Variants in ABCA13 observed in about 807,000 individuals in gnomAD.
The protein encoded by ABCA13 is ATP-binding cassette sub-family A member 13.
ABCA13 carries 476 observed loss-of-function variants against 478.7 expected under a neutral mutation model. The ratio of observed to expected loss-of-function variants is 0.99; its 90% CI spans 0.92 to 1.07. The LOEUF (loss-of-function observed/expected upper bound fraction) is 1.07. Among genes scored for constraint, ABCA13 ranks in the 50% least tolerant of loss-of-function variants. ABCA13 has a pLI of 0.00. For missense variants in ABCA13, 6,060 were observed against 5,910.6 expected (o/e 1.03, Z -0.83); for synonymous variants, 2,252 against 2,158.9 (o/e 1.04, Z -1.20).
At chr7:48,328,573 T>G (rs1804686586) in intron 27 of ABCA13, among the ~76,000 whole-genome samples, 1 of 152,150 alleles carries the variant, frequency 6.6e-6, no homozygotes, top group African/African-American at 2.4e-5. Context: ...AACCCTCAGA[T>G]GAGCATAGAT....
chr7:48,259,927 T>C (rs1335902102), intron 15 of ABCA13, among the ~76,000 whole-genome samples: 1 of 152,072 alleles, frequency 6.6e-6, no homozygotes, highest in African/African-American at 2.4e-5. Flanking sequence ...AATTGTATTA[T>C]GAAATTCTTA....
intron 1 of ABCA13, among the ~76,000 whole-genome samples, chr7:48,187,003 A>C (rs1253488224): frequency 8.3e-6 from 1 of 119,788 alleles, no homozygotes; most frequent in African/African-American, 3.3e-5. Flanking sequence ...GTATATGCAT[A>C]TATATATGTG....
Position 48,273,232 on chromosome 7 carries a change from A to T in ABCA13, c.3566A>T (p.Asp1189Val). The change falls in exon 17 of 62, where the codon GAT (aspartate) becomes GTT (valine). Residue 1189 changes from aspartate (D) to valine (V), a missense_variant. Physicochemically the swap from Asp to Val is radical, Grantham distance 152. Transcript: ENST00000435803. ...FTQLLDELED[D>V]VKVSKSCQGI... Reference sequence around the variant, plus strand: ...CAGCTTTTGGATGAATTGGAAGATGATGTGAAAGTCTCTAAAAGCTGCCAG... The same window carrying T: ...CAGCTTTTGGATGAATTGGAAGATGTTGTGAAAGTCTCTAAAAGCTGCCAG... 1 of 1,613,696 alleles carries T rather than the reference A, an allele frequency of 6.2e-7. No homozygotes were observed.
intron 15 of ABCA13, among the ~76,000 whole-genome samples, chr7:48,266,444 A>T (rs951816429): frequency 6.6e-6 from 1 of 151,778 alleles, no homozygotes; most frequent in Admixed American, 6.6e-5. Flanking sequence ...TCAATTTTTA[A>T]TATACATTAG....
intron 19 of ABCA13, among the ~76,000 whole-genome samples, chr7:48,282,944 A>G (rs766471904): frequency 1.3e-5 from 2 of 152,224 alleles, no homozygotes; most frequent in Non-Finnish European, 2.9e-5. Context: ...GAATGAATGA[A>G]TAAGTGCCAG....
chr7:48,445,092 TC>T (rs1331119456), intron 42 of ABCA13, among the ~76,000 whole-genome samples: 1 of 150,526 alleles, frequency 6.6e-6, no homozygotes, highest in Non-Finnish European at 1.5e-5. Context: ...CACTGCAACC[TC>T]CAGCTCCTAG....
rs147037794 is a variant in ABCA13 at position 48,517,911 on chromosome 7, G to C, written c.13797+1030G>C. 2.6e-3 allele frequency among the ~76,000 whole-genome samples: 402 copies of C among 152,210 alleles called. 8 individuals are homozygous for C. Among genetic ancestry groups the C allele is most frequent in the Admixed American group, 0.022 (336 of 15,274 alleles). On this transcript the variant is annotated intron_variant, in intron 52 of 61. Transcript: ENST00000435803. ...GCAGTTCTCATTTCAAATCAAACAG[G>C]GACTGATGCCTATTTAATTGGGATG... is the stretch of plus-strand genomic sequence containing the variant.
At chr7:48,607,230 G>A (rs546657293) in intron 58 of ABCA13, among the ~76,000 whole-genome samples, 1 of 152,324 alleles carries the variant, frequency 6.6e-6, no homozygotes, top group African/African-American at 2.4e-5. Flanking sequence ...GAAAAGCGCA[G>A]TATCTGGGCC....
chr7:48,645,433 C>T lies in ABCA13; in HGVS notation c.15098C>T (p.Ala5033Val), dbSNP rs186680191. 6.4e-6 allele frequency: 10 copies of T among 1,572,696 alleles called. No homozygotes were observed. Among genetic ancestry groups the T allele is most frequent in the Non-Finnish European group, 2.6e-6 (3 of 1,157,690 alleles). ...TTLEQVFINF[A>V]SEQQQTLQST... ...TTTTTTCAGGTATTTATTAATTTTG[C>T]TTCTGAGCAGCAGCAAACTCTACAA... The change falls in exon 62 of 62, where the codon GCT becomes GTT. Residue 5033 changes from alanine to valine, a missense_variant. By Grantham distance (64) the Ala-to-Val change is moderately conservative. This residue lies in a region of ABCA13 where 1,627 missense variants were observed against 1,571.0 expected (regional missense o/e 1.04). Transcript: ENST00000435803.
intron 23 of ABCA13, among the ~76,000 whole-genome samples, chr7:48,303,013 T>C (rs558264825): frequency 2.0e-5 from 3 of 152,316 alleles, no homozygotes; most frequent in Non-Finnish European, 4.4e-5. Flanking sequence ...TTTTTTGACT[T>C]TTTAGTAATA....
intron 25 of ABCA13, 78 bp from the exon 26 acceptor site, chr7:48,314,154 A>T (rs1802196467): frequency 1.4e-6 from 2 of 1,444,372 alleles, no homozygotes; most frequent in Admixed American, 4.5e-5. Flanking sequence ...TGGAGGAAGG[A>T]ACTAGACTTT....
At chr7:48,324,780 G>A (rs1464000625) in intron 27 of ABCA13, among the ~76,000 whole-genome samples, 1 of 152,146 alleles carries the variant, frequency 6.6e-6, no homozygotes, top group Non-Finnish European at 1.5e-5. Context: ...CACATGCATG[G>A]CGTTTGTTCC....
At chr7:48,466,177 T>C (rs981083732) in intron 43 of ABCA13, among the ~76,000 whole-genome samples, 1 of 152,230 alleles carries the variant, frequency 6.6e-6, no homozygotes, top group African/African-American at 2.4e-5. Flanking sequence ...TTAGAAAATC[T>C]TAAAATGTCT....
chr7:48,424,555 A>G (rs1027543037), intron 41 of ABCA13, among the ~76,000 whole-genome samples: 6 of 152,200 alleles, frequency 3.9e-5, no homozygotes, highest in Admixed American at 2.6e-4. Context: ...TGAAAGTTGC[A>G]GTTGTGAACA....
intron 43 of ABCA13, among the ~76,000 whole-genome samples, chr7:48,461,518 T>C (rs1826241112): frequency 6.6e-6 from 1 of 152,222 alleles, no homozygotes; most frequent in Non-Finnish European, 1.5e-5. Flanking sequence ...CTTAATTATG[T>C]ATACATTGTA....
intron 31 of ABCA13, among the ~76,000 whole-genome samples, chr7:48,362,409 C>CTTTTTTTTTTTTTTTTTTTTCCTTTTTT (rs35795708): frequency 1.2e-5 from 1 of 86,010 alleles, no homozygotes; most frequent in African/African-American, 4.7e-5. Flanking sequence ...TCCTCTTCTT[C>CTTTTTTTTTTTTTTTTTTTTCCTTTTTT]TTTTTTTTTT....
At chr7:48,196,522 C>T (rs1797956361) in intron 2 of ABCA13, among the ~76,000 whole-genome samples, 2 of 152,162 alleles carry the variant, frequency 1.3e-5, no homozygotes, top group Admixed American at 6.5e-5. Flanking sequence ...CCCAGGGCTG[C>T]TGTGAGGACT....
intron 13 of ABCA13, among the ~76,000 whole-genome samples, chr7:48,248,022 T>A (rs993433004): frequency 2.0e-5 from 3 of 152,188 alleles, no homozygotes; most frequent in Non-Finnish European, 2.9e-5. Flanking sequence ...ACTTTATTAT[T>A]GGATTAAGTT....
intron 4 of ABCA13, among the ~76,000 whole-genome samples, chr7:48,220,902 T>C (rs962548715): frequency 6.6e-6 from 1 of 152,170 alleles, no homozygotes; most frequent in Non-Finnish European, 1.5e-5. Context: ...TAATTTCACT[T>C]TTTTCTCTTC....
Sources: gnomAD v4.1 joint callset for allele counts (sites outside exome capture counted in the v4.1 genomes callset) on GRCh38, gnomAD v4.1.1 for gene constraint, gnomAD v4.1.1 regional missense constraint, MANE v1.5 for transcripts, NCBI Gene and HGNC (gene_info 2026-07-23, HGNC 2026-07-21) for gene names.